The following NOTCH3 variants were observed in gnomAD, a reference collection of about 807,000 sequenced individuals.
The protein encoded by NOTCH3 is neurogenic locus notch homolog protein 3.
In NOTCH3, 86 loss-of-function variants were observed where a neutral mutation model predicts 213.3. That is an observed-to-expected ratio of 0.40 (90% CI 0.34 to 0.48). The LOEUF (loss-of-function observed/expected upper bound fraction) is 0.48. NOTCH3 is among the 20% of genes least tolerant of loss of function. NOTCH3 has a pLI of 0.57. For missense variants in NOTCH3, 2,783 were observed against 3,272.6 expected (o/e 0.85, Z 3.65); for synonymous variants, 1,354 against 1,355.9 (o/e 1.00, Z 0.03).
intron 2 of NOTCH3, among the ~76,000 whole-genome samples, chr19:15,192,847 G>A (rs2046941094): frequency 6.6e-6 from 1 of 152,106 alleles, no homozygotes; most frequent in African/African-American, 2.4e-5. Flanking sequence ...CTCGGGAGGT[G>A]GAGGTTGCAG....
chr19:15,179,079 A>G lies in NOTCH3; in HGVS notation c.3664T>C (p.Cys1222Arg). 6.2e-7 allele frequency: 1 copy of G among 1,614,230 alleles called. No individual in the cohort carries two copies. Among genetic ancestry groups the G allele is most frequent in the Non-Finnish European group, 8.5e-7 (1 of 1,180,042 alleles). Residue 1222 changes from cysteine (C) to arginine (R), a missense_variant, in exon 22 of 33, where the codon TGC (cysteine) becomes CGC (arginine). Physicochemically the swap from Cys to Arg is radical, Grantham distance 180. Coordinates refer to ENST00000263388, the MANE Select transcript of NOTCH3 (RefSeq NM_000435.3). ...AAACCTCCGCCTGGGTCCTGCAGGCAGTCCCGGGTGTGTGCCGCGTGGCAG... is the reference window on the plus strand; with the variant it reads ...AAACCTCCGCCTGGGTCCTGCAGGCGGTCCCGGGTGTGTGCCGCGTGGCAG... ...GACHAAHTRD[C>R]LQDPGGGFRC...
chr19:15,184,199 G>T, intron 16 of NOTCH3, 96 bp downstream of exon 16: 1 of 1,250,782 alleles, frequency 8.0e-7, no homozygotes, highest in Non-Finnish European at 1.2e-6. Flanking sequence ...TAAGATAACT[G>T]TGAAGATGAA....
chr19:15,186,379 A>G lies in NOTCH3; in HGVS notation c.1951+499T>C, dbSNP rs12980548. On this transcript the variant is annotated intron_variant, in intron 12 of 32. Coordinates refer to ENST00000263388, the MANE Select transcript of NOTCH3 (RefSeq NM_000435.3). ...GAATAATCTTTTTGTTTGTTTTTGT[A>G]TGTGTGTGTGTGTGTGTGTGTGTGT... Among the ~76,000 whole-genome samples the G allele has an allele frequency of 4.4e-3, 603 of 138,582 alleles. 5 individuals carry two copies. The highest frequency in any genetic ancestry group is 0.019 in the Middle Eastern group (5 of 266). 90.9% of individuals were successfully genotyped at this position (138,582 alleles called of 152,430 possible). A position where few individuals can be genotyped will look rare whatever the true frequency, so the allele number is the denominator to read the frequency against.
Position 15,178,030 on chromosome 19 carries a change from C to T in NOTCH3, c.3898G>A (p.Val1300Met), listed in dbSNP as rs752472930. 2.0e-5 allele frequency: 30 copies of T among 1,508,372 alleles called. 2 individuals are homozygous for T. In the South Asian group the frequency reaches 3.4e-4, roughly 17 times the overall value. The allele number at this position is 1,508,372 out of a possible 1,614,324, so 93.4% of individuals were successfully genotyped here. A position where few individuals can be genotyped will look rare whatever the true frequency, so the allele number is the denominator to read the frequency against. ...GGCGTCTGCTGGCATGGGACGCCCA[C>T]CGGGCACTGCAGCTCCCGGCAGGAG... ...ARSCRELQCP[V>M]GVPCQQTPRG... Residue 1300 changes from valine (V) to methionine (M), a missense_variant, in exon 24 of 33, where the codon GTG becomes ATG. Val to Met is a conservative substitution (Grantham distance 21). Coordinates refer to ENST00000263388, the MANE Select transcript of NOTCH3 (RefSeq NM_000435.3).
At chr19:15,181,223 T>C in intron 17 of NOTCH3, 61 bp from the exon 18 acceptor site, 1 of 1,458,472 alleles carries the variant, frequency 6.9e-7, no homozygotes, top group Non-Finnish European at 9.5e-7. Flanking sequence ...CCTGCCCTCC[T>C]TCCTGAGTCC....
Position 15,187,921 on chromosome 19 carries a change from G to A in NOTCH3, c.1566C>T (p.Cys522=), listed in dbSNP as rs1193624610. 1.2e-5 allele frequency: 18 copies of A among 1,549,900 alleles called. No homozygotes were observed. Among genetic ancestry groups the A allele is most frequent in the African/African-American group, 1.4e-5 (1 of 73,008 alleles). The change falls in exon 10 of 33, where the codon TGC becomes TGT. Residue 522 remains cysteine, a synonymous_variant. Transcript: ENST00000263388. ...ASTPCRNGAK[C]VDQPDGYECR... ...ACTCGTAGCCATCGGGCTGGTCCACGCATTTGGCGCCATTCCTGCAGGGCG... is the reference window on the plus strand; with the variant it reads ...ACTCGTAGCCATCGGGCTGGTCCACACATTTGGCGCCATTCCTGCAGGGCG...
At chr19:15,166,419 T>A (rs972916677) in intron 29 of NOTCH3, among the ~76,000 whole-genome samples, 1 of 151,958 alleles carries the variant, frequency 6.6e-6, no homozygotes, top group African/African-American at 2.4e-5. Flanking sequence ...CTAATCCAAC[T>A]CAAGGCAAAG....
rs767905805 is a variant in NOTCH3 at position 15,191,481 on chromosome 19, C to A, written c.979G>T (p.Ala327Ser). Residue 327 changes from alanine to serine, a missense_variant, in exon 6 of 33, where the codon GCC becomes TCC. Transcript: ENST00000263388. ...GAAGCCACGCGGTCATGGCAGGTGG[C>A]CCCATGGAAGCACACGGCTGTGGCA... Reference protein sequence around the residue: ...DCATAVCFHGATCHDRVASFY... With the variant: ...DCATAVCFHGSTCHDRVASFY... The A allele has an allele frequency of 2.5e-6, 4 of 1,613,248 alleles. No homozygotes were observed. Among genetic ancestry groups the A allele is most frequent in the South Asian group, 1.1e-5 (1 of 91,082 alleles).
At chr19:15,193,139 A>G (rs774647315) in intron 2 of NOTCH3, among the ~76,000 whole-genome samples, 8 of 152,280 alleles carry the variant, frequency 5.3e-5, no homozygotes, top group Non-Finnish European at 8.8e-5. Context: ...ACCATGAAGG[A>G]TGTAGTCAGT....
At chr19:15,182,966 A>G (rs1228789293) in intron 16 of NOTCH3, among the ~76,000 whole-genome samples, 1 of 152,150 alleles carries the variant, frequency 6.6e-6, no homozygotes, top group Non-Finnish European at 1.5e-5. Flanking sequence ...AATAAATTAA[A>G]TTTAAATATA....
In NOTCH3 at chr19:15,174,261, G is replaced by A. The variant is rs2046768193; in HGVS notation, c.4543C>T (p.Leu1515Phe). 1 of 1,578,288 alleles carries A rather than the reference G, an allele frequency of 6.3e-7. No homozygotes were observed. The highest frequency in any genetic ancestry group is 1.8e-4 in the Middle Eastern group (1 of 5,604). Residue 1515 changes from leucine to phenylalanine, a missense_variant, in exon 25 of 33, where the codon CTC becomes TTC. This residue lies in a region of NOTCH3 where 636 missense variants were observed against 801.8 expected (regional missense o/e 0.79). Transcript: ENST00000263388. ...PALLARGVLVLTVLLPPEELL... is the reference protein window; with the variant it reads ...PALLARGVLVFTVLLPPEELL... ...TCCTCTGGCGGCAGCAGCACTGTGAGCACCAGCACGCCGCGGGCCAGCAGG... is the reference window on the plus strand; with the variant it reads ...TCCTCTGGCGGCAGCAGCACTGTGAACACCAGCACGCCGCGGGCCAGCAGG...
In NOTCH3 at chr19:15,179,160, G is replaced by T. The variant is rs539139787; in HGVS notation, c.3583C>A (p.Pro1195Thr). 1 of 1,614,158 alleles carries T rather than the reference G, an allele frequency of 6.2e-7. No individual in the cohort carries two copies. The highest frequency in any genetic ancestry group is 8.5e-7 in the Non-Finnish European group (1 of 1,180,018). ...TCGCAGCGCAAACCAGTGTATCCTGGGGGACAGGTGCAGCGGAAACCACCC... is the reference window on the plus strand; with the variant it reads ...TCGCAGCGCAAACCAGTGTATCCTGTGGGACAGGTGCAGCGGAAACCACCC... ...LVGGFRCTCP[P>T]GYTGLRCEAD... The change falls in exon 22 of 33, where the codon CCA becomes ACA. Residue 1195 changes from proline to threonine, a missense_variant. Pro to Thr is a conservative substitution (Grantham distance 38). Around this residue, in one of 6 missense-constraint regions of NOTCH3, gnomAD observed 861 missense variants for 909.1 expected, o/e 0.95. Transcript: ENST00000263388.
Position 15,181,637 on chromosome 19 carries a change from T to C in NOTCH3, c.2731A>G (p.Thr911Ala). The change falls in exon 17 of 33, where the codon ACC (threonine) becomes GCC (alanine). Residue 911 changes from threonine to alanine, a missense_variant. This residue lies in a region of NOTCH3 where 861 missense variants were observed against 909.1 expected (regional missense o/e 0.95). Transcript: ENST00000263388. ...CTDHVASFTC[T>A]CPPGYGGFHC... is the part of the protein sequence containing the mutation. ...AAGCCTCCGTAGCCTGGCGGGCAGGTGCAGGTGAAGGAGGCCACGTGGTCG... is the reference window on the plus strand; with the variant it reads ...AAGCCTCCGTAGCCTGGCGGGCAGGCGCAGGTGAAGGAGGCCACGTGGTCG... 1 of 1,551,456 alleles carries C rather than the reference T, an allele frequency of 6.4e-7. No homozygotes were observed. Among genetic ancestry groups the C allele is most frequent in the South Asian group, 1.2e-5 (1 of 84,076 alleles).
At chr19:15,183,406 T>TTGTTTGTTTGTC (rs2046855808) in intron 16 of NOTCH3, among the ~76,000 whole-genome samples, 2 of 151,954 alleles carry the variant, frequency 1.3e-5, no homozygotes, top group South Asian at 4.2e-4. Flanking sequence ...GTTTGTTTGT[T>TTGTTTGTTTGTC]TGTTCGTTTT....
rs753463888 is a variant in NOTCH3 at position 15,191,485 on chromosome 19, A to T, written c.975T>A (p.His325Gln). The stretch of plus-strand genomic sequence containing the variant: ...CCACGCGGTCATGGCAGGTGGCCCC[A>T]TGGAAGCACACGGCTGTGGCACAGT... ...IDDCATAVCF[H>Q]GATCHDRVAS... The change falls in exon 6 of 33, where the codon CAT becomes CAA. Residue 325 changes from histidine (H) to glutamine (Q), a missense_variant. Around this residue, in one of 6 missense-constraint regions of NOTCH3, gnomAD observed 708 missense variants for 906.6 expected, o/e 0.78. Transcript: ENST00000263388. 2 of 1,613,256 alleles carry T rather than the reference A, an allele frequency of 1.2e-6. No homozygotes were observed. The highest frequency in any genetic ancestry group is 1.7e-6 in the Non-Finnish European group (2 of 1,180,028).
rs1045479430 is a variant in NOTCH3, at chr19:15,188,061, C to T, written c.1493-67G>A. 9 of 1,296,368 alleles carry T rather than the reference C, an allele frequency of 6.9e-6. No homozygotes were observed. The Admixed American group carries it at 9.9e-5, about 14-fold the overall frequency. The allele number at this position is 1,296,368 out of a possible 1,614,324, so 80.3% of individuals were successfully genotyped here. A position where few individuals can be genotyped will look rare whatever the true frequency, so the allele number is the denominator to read the frequency against. ...AGAGCAGTACACCCCTCTCCAGCCC[C>T]GCCTTGTTTGGGTGGAAAAACCCAT... On this transcript the variant is annotated intron_variant, in intron 9 of 32. Transcript: ENST00000263388.
rs1249308180 is a variant in NOTCH3, at chr19:15,174,182, G to C, written c.4622C>G (p.Thr1541Ser). The part of the protein sequence containing the change: ...FLQRLSAILR[T>S]SLRFRLDAHG... ...CGCGTCCAGGCGGAAGCGCAGCGAG[G>C]TGCGCAGGATGGCGCTGAGCCGCTG... is the stretch of plus-strand genomic sequence containing the variant. Residue 1541 changes from threonine (T) to serine (S), a missense_variant, in exon 25 of 33, where the codon ACC becomes AGC. By Grantham distance (58) the Thr-to-Ser change is moderately conservative (BLOSUM62 1). Transcript: ENST00000263388. 6.2e-7 allele frequency: 1 copy of C among 1,609,088 alleles called. No homozygotes were observed. The highest frequency in any genetic ancestry group is 8.5e-7 in the Non-Finnish European group (1 of 1,179,528).
chr19:15,191,507 C>A lies in NOTCH3; in HGVS notation c.953G>T (p.Cys318Phe). Reference sequence around the variant, plus strand: ...CCCATGGAAGCACACGGCTGTGGCACAGTCATCGATATTCTGACTGCAGCT... The same window carrying A: ...CCCATGGAAGCACACGGCTGTGGCAAAGTCATCGATATTCTGACTGCAGCT... ...GESCSQNIDD[C>F]ATAVCFHGAT... is the part of the protein sequence containing the mutation. The change falls in exon 6 of 33, where the codon TGT (cysteine) becomes TTT (phenylalanine). Residue 318 changes from cysteine to phenylalanine, a missense_variant. Physicochemically the swap from Cys to Phe is radical, Grantham distance 205 (BLOSUM62 -2). Coordinates refer to ENST00000263388, the MANE Select transcript of NOTCH3 (RefSeq NM_000435.3). The A allele has an allele frequency of 1.9e-6, 3 of 1,613,244 alleles. No individual in the cohort carries two copies. The highest frequency in any genetic ancestry group is 8.5e-7 in the Non-Finnish European group (1 of 1,180,020).
intron 16 of NOTCH3, among the ~76,000 whole-genome samples, chr19:15,182,367 C>T (rs1201899318): frequency 6.6e-6 from 1 of 151,980 alleles, no homozygotes; most frequent in East Asian, 1.9e-4. Flanking sequence ...ATTAGCTGGG[C>T]ATGATGGTGC....
Sources: gnomAD v4.1 joint callset for allele counts (sites outside exome capture counted in the v4.1 genomes callset) on GRCh38, gnomAD v4.1.1 for gene constraint, gnomAD v4.1.1 regional missense constraint, MANE v1.5 for transcripts, NCBI Gene and HGNC (gene_info 2026-07-23, HGNC 2026-07-21) for gene names.